AGBL4: variants seen among roughly 807,000 people sequenced by gnomAD.
AGBL4 encodes cytosolic carboxypeptidase 6.
Under a neutral mutation model 66.4 loss-of-function variants are expected in AGBL4, and 58 were observed. That is an observed-to-expected ratio of 0.87 (90% CI 0.71 to 1.09). The LOEUF is 1.09. AGBL4 is among the 50% of genes least tolerant of loss of function. The probability of loss-of-function intolerance (pLI) is 0.00; values close to 1 mark genes in which losing one functional copy is unlikely to be tolerated. For synonymous variants in AGBL4, 234 were observed against 222.9 expected, an observed-to-expected ratio of 1.05 and a Z score of -0.44; for missense variants, 579 against 631.0, an observed-to-expected ratio of 0.92 and a Z score of 0.88.
intron 3 of AGBL4, among the ~76,000 whole-genome samples, chr1:49,327,658 G>A (rs1477999778): frequency 6.6e-6 from 1 of 152,206 alleles, no homozygotes; most frequent in African/African-American, 2.4e-5. Flanking sequence ...TCAACCTCAA[G>A]CTGTCTTATA....
Position 49,842,783 on chromosome 1 carries a change from G to A in AGBL4, c.157+8613C>T, listed in dbSNP as rs572998474. 2.0e-5 allele frequency among the ~76,000 whole-genome samples: 3 copies of A among 152,098 alleles called. No individual in the cohort carries two copies. The South Asian group carries it at 6.2e-4, about 31-fold the overall frequency. On this transcript the variant is annotated intron_variant, in intron 2 of 13. Coordinates refer to ENST00000371839, the MANE Select transcript of AGBL4 (RefSeq NM_032785.4). ...TGAGGGATAGCCTCTCTAAGGAGGT[G>A]ACATGTGACTTGAAGCCTGAGCCAT...
At chr1:49,875,288 C>G (rs1285804954) in intron 1 of AGBL4, among the ~76,000 whole-genome samples, 1 of 133,738 alleles carries the variant, frequency 7.5e-6, no homozygotes, top group Non-Finnish European at 1.6e-5. Context: ...GTATATCTCC[C>G]AATGCTATCC....
chr1:49,235,981 A>G (rs1650702972), intron 4 of AGBL4, among the ~76,000 whole-genome samples: 3 of 151,298 alleles, frequency 2.0e-5, no homozygotes, highest in Admixed American at 6.6e-5. Context: ...CTCAGGTCAA[A>G]TTATTCATTT....
intron 4 of AGBL4, among the ~76,000 whole-genome samples, chr1:49,187,848 A>G (rs1426373727): frequency 7.2e-5 from 11 of 152,032 alleles, no homozygotes; most frequent in African/African-American, 2.7e-4. Context: ...CTGTGTCCCC[A>G]CCCAAATCTC....
At chr1:48,673,738 C>A (rs914401305) in intron 6 of AGBL4, among the ~76,000 whole-genome samples, 1 of 152,174 alleles carries the variant, frequency 6.6e-6, no homozygotes, top group African/African-American at 2.4e-5. Context: ...ATGGCGACAG[C>A]CAAGGAAGGC....
At chr1:49,211,335 G>A (rs1433197218) in intron 4 of AGBL4, among the ~76,000 whole-genome samples, 1 of 152,084 alleles carries the variant, frequency 6.6e-6, no homozygotes, top group Non-Finnish European at 1.5e-5. Flanking sequence ...TAGTAATTGA[G>A]TGAAAGAATA....
chr1:49,365,486 T>G (rs2148543459), intron 3 of AGBL4, among the ~76,000 whole-genome samples: 2 of 151,392 alleles, frequency 1.3e-5, no homozygotes, highest in Non-Finnish European at 2.9e-5. Flanking sequence ...AGCTATGTAT[T>G]TATTATTATA....
At chr1:49,914,261 T>C (rs1651159369) in intron 1 of AGBL4, among the ~76,000 whole-genome samples, 2 of 152,230 alleles carry the variant, frequency 1.3e-5, no homozygotes, top group Non-Finnish European at 2.9e-5. Flanking sequence ...ATTTTAAAAG[T>C]TTAAATGCTT....
At chr1:48,920,460 C>T (rs186273565) in intron 5 of AGBL4, among the ~76,000 whole-genome samples, 3 of 152,254 alleles carry the variant, frequency 2.0e-5, no homozygotes, top group African/African-American at 7.2e-5. Flanking sequence ...GGGGAGTTTA[C>T]GCTCCTATCC....
At chr1:48,660,180 C>T (rs1418289312) in intron 7 of AGBL4, among the ~76,000 whole-genome samples, 2 of 152,206 alleles carry the variant, frequency 1.3e-5, no homozygotes, top group Admixed American at 6.5e-5. Flanking sequence ...GCAGAGTAAG[C>T]ATCCCACCAA....
At chr1:49,847,980 C>T (rs193001118) in intron 2 of AGBL4, among the ~76,000 whole-genome samples, 41 of 152,278 alleles carry the variant, frequency 2.7e-4, no homozygotes, top group Non-Finnish European at 5.7e-4. Flanking sequence ...GGATTACAGG[C>T]GTGAGCCACC....
At chr1:48,536,243 G>A (rs539601060) in intron 12 of AGBL4, among the ~76,000 whole-genome samples, 1 of 152,262 alleles carries the variant, frequency 6.6e-6, no homozygotes, top group South Asian at 2.1e-4. Flanking sequence ...AAGACATGGA[G>A]GCAAGAAAAC....
intron 6 of AGBL4, among the ~76,000 whole-genome samples, chr1:48,712,274 C>G (rs1333722100): frequency 2.6e-5 from 4 of 152,194 alleles, no homozygotes; most frequent in African/African-American, 9.7e-5. Flanking sequence ...GCTGGTCACA[C>G]TCAACCATCC....
At chr1:48,958,348 T>G (rs1042077718) in intron 5 of AGBL4, among the ~76,000 whole-genome samples, 1 of 152,202 alleles carries the variant, frequency 6.6e-6, no homozygotes, top group Non-Finnish European at 1.5e-5. Flanking sequence ...ATGTTCTTAT[T>G]CTCTCTTCTG....
At chr1:48,918,640 TG>T (rs1653821738) in intron 5 of AGBL4, among the ~76,000 whole-genome samples, 1 of 152,172 alleles carries the variant, frequency 6.6e-6, no homozygotes, top group Non-Finnish European at 1.5e-5. Flanking sequence ...GATGGCAGTC[TG>T]TGACCTGGAA....
chr1:48,591,093 C>A (rs1197227587), intron 9 of AGBL4, 108 bp from the exon 10 acceptor site: 1 of 737,968 alleles, frequency 1.4e-6, no homozygotes, highest in Non-Finnish European at 2.0e-6. Flanking sequence ...CCCACCCACC[C>A]CCCCCCACAC....
chr1:49,841,940 C>T (rs576888326), intron 2 of AGBL4: 52 of 597,404 alleles, frequency 8.7e-5, no homozygotes, highest in South Asian at 2.0e-4. Context: ...TCGGCCTCCT[C>T]GAGCGTGTCC....
chr1:49,264,603 C>T (rs6588340), intron 3 of AGBL4, among the ~76,000 whole-genome samples: 135,751 of 151,984 alleles, frequency 0.89, 61,162 homozygotes, highest in South Asian at 0.95. Context: ...TGGAGTGCAG[C>T]GGCGCTATCG....
chr1:49,707,238 A>G (rs981275608), intron 2 of AGBL4, among the ~76,000 whole-genome samples: 2 of 152,046 alleles, frequency 1.3e-5, no homozygotes, highest in African/African-American at 4.8e-5. Context: ...TATTGGATGC[A>G]TATATATTTA....
Sources: allele counts gnomAD v4.1 joint callset (sites outside exome capture counted in the v4.1 genomes callset), GRCh38; gene constraint gnomAD v4.1.1; transcripts MANE v1.5; gene names NCBI Gene and HGNC (gene_info 2026-07-23, HGNC 2026-07-21).